The following LARP6 variants were observed in gnomAD, a reference collection of about 807,000 sequenced individuals.
LARP6 encodes la-related protein 6.
Under a neutral mutation model 32.8 loss-of-function variants are expected in LARP6, and 18 were observed. The observed-to-expected ratio is 0.55, with a 90% CI of 0.38 to 0.81. LARP6 has a LOEUF of 0.81. Among genes scored for constraint, LARP6 ranks in the 40% least tolerant of loss-of-function variants. LARP6 has a pLI of 0.00. For synonymous variants in LARP6, 289 were observed against 267.2 expected (o/e 1.08, Z -0.80); for missense variants, 598 against 663.1 (o/e 0.90, Z 1.08).
At chr15:70,834,273 CT>C (rs1239757259) in intron 2 of LARP6, among the ~76,000 whole-genome samples, 1 of 152,188 alleles carries the variant, frequency 6.6e-6, no homozygotes, top group African/African-American at 2.4e-5. Flanking sequence ...CCACTGTAGC[CT>C]GTGGTCTCTG....
chr15:70,836,442 C>T lies in LARP6; in HGVS notation c.264G>A (p.Pro88=), dbSNP rs150115251. 35 of 1,614,036 alleles carry T rather than the reference C, an allele frequency of 2.2e-5. No homozygotes were observed. The highest frequency in any genetic ancestry group is 1.4e-4 in the South Asian group (13 of 91,078). The change falls in exon 2 of 3, where the codon CCG becomes CCA. Residue 88 remains proline, a synonymous_variant. Coordinates refer to ENST00000299213, the MANE Select transcript of LARP6 (RefSeq NM_018357.4). ...CCAGTTTCTTGATCAACTCCTCATC[C>T]GGGGGCTTCCACTCCTGCTCCAGGT... ...REDLEQEWKP[P]DEELIKKLVD...
intron 1 of LARP6, among the ~76,000 whole-genome samples, chr15:70,838,525 C>T (rs541613811): frequency 6.6e-5 from 10 of 152,124 alleles, no homozygotes; most frequent in East Asian, 1.9e-4. Flanking sequence ...AATCCCATCA[C>T]GGGGTCTCTT....
At chr15:70,836,135 C>A (rs2032142437) in intron 2 of LARP6, among the ~76,000 whole-genome samples, 160 bp downstream of exon 2, 1 of 152,164 alleles carries the variant, frequency 6.6e-6, no homozygotes, top group African/African-American at 2.4e-5. Flanking sequence ...CCTAACAATA[C>A]TAAATCCCTT....
intron 1 of LARP6, among the ~76,000 whole-genome samples, chr15:70,845,281 C>T (rs2032325572): frequency 6.6e-6 from 1 of 152,122 alleles, no homozygotes; most frequent in East Asian, 1.9e-4. Context: ...TACATTAACA[C>T]ATTAAGCTGT....
chr15:70,840,094 G>A lies in LARP6; in HGVS notation c.201-3589C>T, dbSNP rs77292152. Among the ~76,000 whole-genome samples the A allele has an allele frequency of 3.3e-5, 5 of 152,268 alleles. No individual in the cohort carries two copies. In the East Asian group the frequency reaches 9.6e-4, roughly 29 times the overall value. ...TAAACAGCCAAATACAATAGTAACC[G>A]CAGCAACACTACATGGAGAAAAGAG... On this transcript the variant is annotated intron_variant, in intron 1 of 2. Coordinates refer to ENST00000299213, the MANE Select transcript of LARP6 (RefSeq NM_018357.4).
intron 1 of LARP6, among the ~76,000 whole-genome samples, chr15:70,846,040 C>A (rs907476117): frequency 7.9e-5 from 12 of 152,180 alleles, no homozygotes; most frequent in Non-Finnish European, 1.3e-4. Flanking sequence ...GGAAATTGTT[C>A]TAAAGGAAGA....
chr15:70,840,576 G>A (rs1024105422), intron 1 of LARP6, among the ~76,000 whole-genome samples: 7 of 152,050 alleles, frequency 4.6e-5, no homozygotes, highest in African/African-American at 1.4e-4. Context: ...AAACAGATGG[G>A]TTGGATATAA....
intron 1 of LARP6, among the ~76,000 whole-genome samples, chr15:70,842,307 C>G (rs1368643839): frequency 1.3e-5 from 2 of 152,128 alleles, no homozygotes; most frequent in African/African-American, 4.8e-5. Flanking sequence ...GTCAGCCTCC[C>G]AAACTGTTGG....
chr15:70,836,200 T>C, intron 2 of LARP6, 95 bp downstream of exon 2: 1 of 975,774 alleles, frequency 1.0e-6, no homozygotes, highest in Admixed American at 2.2e-5. Flanking sequence ...AAATTGTTCG[T>C]CATCAGGTTT....
chr15:70,840,489 G>A (rs2032234089), intron 1 of LARP6, among the ~76,000 whole-genome samples: 1 of 152,132 alleles, frequency 6.6e-6, no homozygotes, highest in South Asian at 2.1e-4. Context: ...GCAGTGAGCC[G>A]GGATCGCGCC....
intron 1 of LARP6, among the ~76,000 whole-genome samples, chr15:70,845,104 T>C (rs997914045): frequency 1.3e-5 from 2 of 152,230 alleles, no homozygotes; most frequent in African/African-American, 4.8e-5. Context: ...CTGTTATAAA[T>C]ATCTTGCATT....
At chr15:70,846,611 A>AAAAT (rs1222901241) in intron 1 of LARP6, among the ~76,000 whole-genome samples, 9 of 93,420 alleles carry the variant, frequency 9.6e-5, no homozygotes, top group Middle Eastern at 7.2e-3. Context: ...CCTGTCTCAA[A>AAAAT]AAATAAATAA....
At chr15:70,847,836 C>T (rs2032375742) in intron 1 of LARP6, among the ~76,000 whole-genome samples, 1 of 151,750 alleles carries the variant, frequency 6.6e-6, no homozygotes, top group African/African-American at 2.4e-5. Context: ...GCTTTCAATC[C>T]AGGAATGATT....
intron 1 of LARP6, chr15:70,852,067 C>A (rs2032477399): frequency 2.8e-6 from 1 of 357,276 alleles, no homozygotes; most frequent in African/African-American, 2.1e-5. Context: ...ATTGAGGAAT[C>A]TGGGTTTTCT....
In LARP6 at chr15:70,854,008, G is replaced by C. The variant is rs2032573429; in HGVS notation, c.81C>G (p.Asp27Glu). 10 of 1,458,918 alleles carry C rather than the reference G, an allele frequency of 6.9e-6. No individual in the cohort carries two copies. The highest frequency in any genetic ancestry group is 1.3e-5 in the South Asian group (1 of 75,024). 90.4% of individuals were successfully genotyped at this position (1,458,918 alleles called of 1,614,324 possible). The part of the protein sequence containing the change: ...QIRVAIQEAE[D>E]VDELEDEEEG... ...CCTCCTCGTCCTCCAACTCGTCCAC[G>C]TCCTCGGCCTCCTGGATGGCGACGC... Residue 27 changes from aspartate (D) to glutamate (E), a missense_variant, in exon 1 of 3, where the codon GAC becomes GAG. Physicochemically the swap from Asp to Glu is conservative, Grantham distance 45. Transcript: ENST00000299213.
Position 70,836,465 on chromosome 15 carries a change from G to C in LARP6, c.241C>G (p.Leu81Val). The change falls in exon 2 of 3, where the codon CTG becomes GTG. Residue 81 changes from leucine (L) to valine (V), a missense_variant. Leu to Val is a conservative substitution (Grantham distance 32). This residue lies in a region of LARP6 where 161 missense variants were observed against 148.6 expected (regional missense o/e 1.08). Coordinates refer to ENST00000299213, the MANE Select transcript of LARP6 (RefSeq NM_018357.4). ...TCCGGGGGCTTCCACTCCTGCTCCA[G>C]GTCCTCACGCTCGTTCTCACCTCCA... ...ASGGENEREDLEQEWKPPDEE... is the reference protein window; with the variant it reads ...ASGGENEREDVEQEWKPPDEE... The C allele has an allele frequency of 6.2e-7, 1 of 1,614,170 alleles. No homozygotes were observed. The highest frequency in any genetic ancestry group is 1.1e-5 in the South Asian group (1 of 91,078).
intron 1 of LARP6, among the ~76,000 whole-genome samples, chr15:70,850,452 A>G (rs1163149792): frequency 6.6e-6 from 1 of 152,242 alleles, no homozygotes; most frequent in Non-Finnish European, 1.5e-5. Context: ...TCAGCAAAAT[A>G]TTAGCAAACT....
intron 1 of LARP6, among the ~76,000 whole-genome samples, chr15:70,838,752 G>A (rs1465585045): frequency 1.3e-5 from 2 of 152,136 alleles, no homozygotes; most frequent in Non-Finnish European, 2.9e-5. Flanking sequence ...ATTATTAGAA[G>A]TTAGCAGAAA....
In LARP6 at chr15:70,831,936, A is replaced by T. The variant is rs1327321199; in HGVS notation, c.*116T>A. ...CAGATAGATAAATTAAGAGGTCTAC[A>T]TGAATAAAAAATCTCTCAAAGGGGA... is the stretch of plus-strand genomic sequence containing the variant. On this transcript the variant is annotated 3_prime_UTR_variant, in exon 3 of 3. Coordinates refer to ENST00000299213, the MANE Select transcript of LARP6 (RefSeq NM_018357.4). 17 of 724,626 alleles carry T rather than the reference A, an allele frequency of 2.3e-5. No individual in the cohort carries two copies. The highest frequency in any genetic ancestry group is 3.6e-5 in the African/African-American group (2 of 56,066). 44.9% of individuals were successfully genotyped at this position (724,626 alleles called of 1,614,324 possible). A position where few individuals can be genotyped will look rare whatever the true frequency, so the allele number is the denominator to read the frequency against.
Sources: allele counts gnomAD v4.1 joint callset (sites outside exome capture counted in the v4.1 genomes callset), GRCh38; gene constraint gnomAD v4.1.1; regional missense constraint gnomAD v4.1.1; transcripts MANE v1.5; gene names NCBI Gene and HGNC (gene_info 2026-07-23, HGNC 2026-07-21).